The following GRIN2A variants were observed in gnomAD, a reference collection of about 807,000 sequenced individuals.
GRIN2A encodes the protein glutamate receptor ionotropic, NMDA 2A.
A neutral mutation model predicts 113.4 loss-of-function variants in GRIN2A; 22 were observed. That is an observed-to-expected ratio of 0.19 (90% CI 0.14 to 0.28). GRIN2A has a LOEUF of 0.28. Among genes scored for constraint, GRIN2A ranks in the 10% least tolerant of loss-of-function variants. GRIN2A has a pLI of 1.00. For missense variants in GRIN2A, 1,502 were observed against 1,887.0 expected (o/e 0.80, Z 3.78); for synonymous variants, 827 against 738.4 (o/e 1.12, Z -1.94).
intron 2 of GRIN2A, among the ~76,000 whole-genome samples, chr16:10,013,765 A>G (rs184782159): frequency 6.6e-6 from 1 of 152,288 alleles, no homozygotes; most frequent in East Asian, 1.9e-4. Context: ...AAATTATTCA[A>G]TCTTTTTCCA....
At chr16:9,925,259 C>T (rs1294685089) in intron 3 of GRIN2A, among the ~76,000 whole-genome samples, 1 of 152,164 alleles carries the variant, frequency 6.6e-6, no homozygotes, top group Admixed American at 6.5e-5. Flanking sequence ...ATTGAGACAA[C>T]CCCCTTCTGT....
intron 2 of GRIN2A, among the ~76,000 whole-genome samples, chr16:10,115,818 CT>C (rs139000682): frequency 0.02 from 3,009 of 151,520 alleles, 93 homozygotes; most frequent in African/African-American, 0.069. Context: ...TTACTCAGGA[CT>C]TTTTTTTTGT....
intron 3 of GRIN2A, among the ~76,000 whole-genome samples, chr16:9,923,810 TA>T (rs2044401859): frequency 6.6e-6 from 1 of 152,122 alleles, no homozygotes; most frequent in Non-Finnish European, 1.5e-5. Context: ...ATTTATCTTT[TA>T]AAATGATTTC....
chr16:9,861,954 A>C (rs975736737), intron 4 of GRIN2A, among the ~76,000 whole-genome samples: 1 of 152,202 alleles, frequency 6.6e-6, no homozygotes, highest in Non-Finnish European at 1.5e-5. Context: ...GGCATGAATA[A>C]GAACCTTTCC....
At position 10,126,233 on chromosome 16, in the gene GRIN2A, G is replaced by A. The variant is rs7193185; in HGVS notation, c.414+53765C>T. ...GCTGGAATGCAGTGGCACAATCAGA[G>A]CTCACTGCAGCCTCAAATTCCTAGG... is the stretch of plus-strand genomic sequence containing the variant. On this transcript the variant is annotated intron_variant, in intron 2 of 12. Coordinates refer to ENST00000330684, the MANE Select transcript of GRIN2A (RefSeq NM_001134407.3). Among the ~76,000 whole-genome samples, 732 of 151,724 alleles carry A rather than the reference G, an allele frequency of 4.8e-3. 7 individuals carry two copies. The highest frequency in any genetic ancestry group is 0.017 in the African/African-American group (690 of 41,304).
At chr16:9,970,076 T>C (rs1196031284) in intron 2 of GRIN2A, among the ~76,000 whole-genome samples, 3 of 152,180 alleles carry the variant, frequency 2.0e-5, no homozygotes, top group Admixed American at 6.5e-5. Context: ...CAAAGAAATC[T>C]CGAGTTCTTG....
At chr16:10,064,559 A>T (rs535222561) in intron 2 of GRIN2A, among the ~76,000 whole-genome samples, 1 of 152,310 alleles carries the variant, frequency 6.6e-6, no homozygotes, top group African/African-American at 2.4e-5. Flanking sequence ...TCAAGCTTTT[A>T]TGATCCAGGT....
At chr16:9,817,737 A>G (rs2042211023) in intron 10 of GRIN2A, among the ~76,000 whole-genome samples, 1 of 152,214 alleles carries the variant, frequency 6.6e-6, no homozygotes, top group African/African-American at 2.4e-5. Flanking sequence ...TCTGGTGTTC[A>G]GGACTCTCCC....
Position 9,938,495 on chromosome 16 carries a change from G to C in GRIN2A, c.471C>G (p.Val157=). ...CATAATCCTGCATGATCTTCAGCAT[G>C]ACCGTGGCTTGCTGCTGGATGGACG... The part of the protein sequence containing the change: ...FGASIQQQAT[V]MLKIMQDYDW... The change falls in exon 3 of 13, where the codon GTC becomes GTG. Residue 157 remains valine (V), a synonymous_variant. Coordinates refer to ENST00000330684, the MANE Select transcript of GRIN2A (RefSeq NM_001134407.3). 3 of 1,612,098 alleles carry C rather than the reference G, an allele frequency of 1.9e-6. No homozygotes were observed. Among genetic ancestry groups the C allele is most frequent in the Non-Finnish European group, 2.5e-6 (3 of 1,179,974 alleles).
intron 4 of GRIN2A, among the ~76,000 whole-genome samples, chr16:9,888,846 C>T (rs952884455): frequency 6.6e-5 from 10 of 151,908 alleles, no homozygotes; most frequent in African/African-American, 2.2e-4. Context: ...ATGCTTTTTC[C>T]GCATCTATTG....
chr16:10,009,442 C>G (rs771118442), intron 2 of GRIN2A, among the ~76,000 whole-genome samples: 1 of 152,070 alleles, frequency 6.6e-6, no homozygotes, highest in Non-Finnish European at 1.5e-5. Flanking sequence ...CAGGTGAGAG[C>G]GACATACTGT....
intron 2 of GRIN2A, among the ~76,000 whole-genome samples, chr16:9,979,431 T>A (rs1197539293): frequency 2.6e-5 from 4 of 152,192 alleles, no homozygotes; most frequent in South Asian, 2.1e-4. Context: ...ATACCTGGAA[T>A]GCTTTTTCCT....
At chr16:10,049,022 G>T (rs2047308675) in intron 2 of GRIN2A, among the ~76,000 whole-genome samples, 1 of 152,082 alleles carries the variant, frequency 6.6e-6, no homozygotes, top group South Asian at 2.1e-4. Context: ...TTACCTCCCA[G>T]TCGTTGCTAT....
chr16:9,878,610 C>T (rs990719828), intron 4 of GRIN2A, among the ~76,000 whole-genome samples: 6 of 152,124 alleles, frequency 3.9e-5, no homozygotes, highest in African/African-American at 1.2e-4. Context: ...AGAACATCAC[C>T]GTCATCACCA....
intron 2 of GRIN2A, among the ~76,000 whole-genome samples, chr16:10,152,190 C>T (rs899440238): frequency 6.6e-6 from 1 of 152,130 alleles, no homozygotes; most frequent in Non-Finnish European, 1.5e-5. Flanking sequence ...CCAGACAGAT[C>T]CAAGAATGTG....
chr16:10,028,796 T>C (rs928524530), intron 2 of GRIN2A, among the ~76,000 whole-genome samples: 11 of 152,228 alleles, frequency 7.2e-5, no homozygotes, highest in South Asian at 4.1e-4. Context: ...TCTGTTATCA[T>C]AGCATAAAAG....
chr16:9,835,084 A>G (rs1427045503), intron 7 of GRIN2A, among the ~76,000 whole-genome samples: 1 of 152,250 alleles, frequency 6.6e-6, no homozygotes, highest in South Asian at 2.1e-4. Context: ...TGACAGAAAT[A>G]TTGGAAAGTT....
intron 2 of GRIN2A, among the ~76,000 whole-genome samples, chr16:10,089,461 GA>G (rs1567290476): frequency 6.6e-6 from 1 of 152,026 alleles, no homozygotes. Context: ...TGTTACCAAC[GA>G]GAAGCATATG....
At chr16:9,782,193 T>C (rs1315801326) in intron 11 of GRIN2A, among the ~76,000 whole-genome samples, 1 of 152,214 alleles carries the variant, frequency 6.6e-6, no homozygotes, top group Non-Finnish European at 1.5e-5. Context: ...ACTAAACATA[T>C]ACAGACTTTT....
Sources: gnomAD v4.1 joint callset for allele counts (sites outside exome capture counted in the v4.1 genomes callset) on GRCh38, gnomAD v4.1.1 for gene constraint, MANE v1.5 for transcripts, NCBI Gene and HGNC (gene_info 2026-07-23, HGNC 2026-07-21) for gene names.